MAML3: variants seen among roughly 807,000 people sequenced by gnomAD.
MAML3 encodes mastermind-like protein 3.
In MAML3, 27 loss-of-function variants were observed where a neutral mutation model predicts 101.9. The ratio of observed to expected loss-of-function variants is 0.27; its 90% CI spans 0.20 to 0.37. MAML3 has a LOEUF of 0.37. MAML3 is among the 10% of genes least tolerant of loss of function. The pLI is 1.00. For synonymous variants in MAML3, 501 were observed against 555.9 expected (o/e 0.90, Z 1.39); for missense variants, 1,316 against 1,444.9 (o/e 0.91, Z 1.45).
intron 1 of MAML3, among the ~76,000 whole-genome samples, chr4:140,107,179 G>C (rs1728366241): frequency 6.6e-6 from 1 of 152,016 alleles, no homozygotes; most frequent in Non-Finnish European, 1.5e-5. Flanking sequence ...CCAAAGAGTG[G>C]TATTTTTATA....
At chr4:139,843,110 G>A (rs73854386) in intron 2 of MAML3, among the ~76,000 whole-genome samples, 2,249 of 152,086 alleles carry the variant, frequency 0.015, 59 homozygotes, top group African/African-American at 0.051. Context: ...AGCTGCAGAC[G>A]CTTTCTCCAA....
intron 1 of MAML3, among the ~76,000 whole-genome samples, chr4:139,922,451 T>A (rs1578598402): frequency 1.4e-5 from 1 of 70,588 alleles, no homozygotes; most frequent in South Asian, 8.0e-4. Flanking sequence ...GAACGGTGGG[T>A]CCCTAACCTC....
intron 2 of MAML3, among the ~76,000 whole-genome samples, chr4:139,742,813 T>C (rs1410009469): frequency 6.6e-6 from 1 of 152,226 alleles, no homozygotes; most frequent in Non-Finnish European, 1.5e-5. Context: ...GGGAAACTTT[T>C]AGTGAGGAAT....
intron 1 of MAML3, among the ~76,000 whole-genome samples, chr4:140,080,727 C>T (rs1412743999): frequency 6.6e-6 from 1 of 152,134 alleles, no homozygotes; most frequent in Admixed American, 6.5e-5. Context: ...AATGCAGAGG[C>T]CTGCCTGGTT....
intron 1 of MAML3, among the ~76,000 whole-genome samples, chr4:140,139,328 A>C (rs1728945647): frequency 1.3e-5 from 2 of 152,198 alleles, no homozygotes; most frequent in Middle Eastern, 3.4e-3. Flanking sequence ...AGGCTGGAAT[A>C]GTCTTGAAAC....
intron 1 of MAML3, among the ~76,000 whole-genome samples, chr4:140,064,958 A>C (rs556394918): frequency 9.2e-5 from 14 of 152,340 alleles, no homozygotes; most frequent in African/African-American, 3.4e-4. Flanking sequence ...CATCTGCTGA[A>C]AATGAAGATT....
chr4:139,877,799 C>T lies in MAML3; in HGVS notation c.2079+11558G>A, dbSNP rs546095601. On this transcript the variant is annotated intron_variant, in intron 2 of 4. Transcript: ENST00000509479. ...AGATAAATAATAGCAAAGTAAATTA[C>T]GTGTTTAAATTGCTTTTAAATATAC... Among the ~76,000 whole-genome samples the T allele has an allele frequency of 1.6e-4, 24 of 152,224 alleles. No individual in the cohort carries two copies. In the East Asian group the frequency reaches 1.9e-3, roughly 12 times the overall value.
Position 140,153,377 on chromosome 4 carries a change from C to G in MAML3, c.-50G>C, listed in dbSNP as rs1266362937. ...GGAAGAACTTTTTTTATCCACCCCC[C>G]TATCAGCCTCCTCCTTGGGTCCAAG... On this transcript the variant is annotated 5_prime_UTR_variant, in exon 1 of 5. Coordinates refer to ENST00000509479, the MANE Select transcript of MAML3 (RefSeq NM_018717.5). 1 of 1,506,752 alleles carries G rather than the reference C, an allele frequency of 6.6e-7. No individual in the cohort carries two copies. Among genetic ancestry groups the G allele is most frequent in the East Asian group, 2.3e-5 (1 of 42,974 alleles). 93.3% of individuals were successfully genotyped at this position (1,506,752 alleles called of 1,614,324 possible). A position where few individuals can be genotyped will look rare whatever the true frequency, so the allele number is the denominator to read the frequency against.
intron 3 of MAML3, among the ~76,000 whole-genome samples, chr4:139,728,702 T>C (rs939478641): frequency 1.3e-5 from 2 of 152,180 alleles, no homozygotes; most frequent in Admixed American, 6.5e-5. Context: ...GCTCTCTCCA[T>C]GCTCTGGATT....
rs528267978 is a variant in MAML3 at position 139,730,574 on chromosome 4, C to A, written c.2173G>T (p.Ala725Ser). 5.6e-6 allele frequency: 9 copies of A among 1,603,462 alleles called. No individual in the cohort carries two copies. Among genetic ancestry groups the A allele is most frequent in the Non-Finnish European group, 7.7e-6 (9 of 1,175,556 alleles). The change falls in exon 3 of 5, where the codon GCA (alanine) becomes TCA (serine). Residue 725 changes from alanine to serine, a missense_variant. Physicochemically the swap from Ala to Ser is moderately conservative, Grantham distance 99 (BLOSUM62 1). Coordinates refer to ENST00000509479, the MANE Select transcript of MAML3 (RefSeq NM_018717.5). The stretch of plus-strand genomic sequence containing the variant: ...TGGCTGCCCAGGAAGCCGGGGCCTG[C>A]GGGACTGGCTCCTGAGACCATGCCA... Reference protein sequence around the residue: ...SGGMVSGASPAGPGFLGSQPQ... With the variant: ...SGGMVSGASPSGPGFLGSQPQ...
At chr4:140,129,557 C>A (rs1014889849) in intron 1 of MAML3, among the ~76,000 whole-genome samples, 1 of 152,184 alleles carries the variant, frequency 6.6e-6, no homozygotes, top group Non-Finnish European at 1.5e-5. Flanking sequence ...CAGGCTGAGT[C>A]TCAGTCTGCC....
At chr4:139,888,708 G>C in intron 2 of MAML3, 10 of 515,932 alleles carry the variant, frequency 1.9e-5, no homozygotes, top group South Asian at 1.4e-4. Flanking sequence ...ACATTTTCCT[G>C]AAATAGAGCT....
intron 2 of MAML3, chr4:139,740,153 C>G (rs1404492069): frequency 1.3e-5 from 2 of 152,208 alleles, no homozygotes; most frequent in Non-Finnish European, 2.9e-5. Context: ...TTTGGTCTAC[C>G]TGGACAAGCC....
rs575406576 is a variant in MAML3, at chr4:140,084,811, T to C, written c.468+68049A>G. ...CCTACTTTGAGGACTAACAAATGACTTGAACACATTGTGTTCAAGGTTTTG... is the reference window on the plus strand; with the variant it reads ...CCTACTTTGAGGACTAACAAATGACCTGAACACATTGTGTTCAAGGTTTTG... On this transcript the variant is annotated intron_variant, in intron 1 of 4. Coordinates refer to ENST00000509479, the MANE Select transcript of MAML3 (RefSeq NM_018717.5). 1.9e-4 allele frequency among the ~76,000 whole-genome samples: 29 copies of C among 152,314 alleles called. 1 individual carries two copies. The South Asian group carries it at 5.6e-3, about 29-fold the overall frequency.
At chr4:139,724,771 G>A (rs907960661) in intron 4 of MAML3, among the ~76,000 whole-genome samples, 1 of 134,914 alleles carries the variant, frequency 7.4e-6, no homozygotes, top group Non-Finnish European at 1.6e-5. Context: ...AGACCCTCAA[G>A]GGTCTTTTTT....
At chr4:139,762,795 C>T (rs1376474916) in intron 2 of MAML3, among the ~76,000 whole-genome samples, 1 of 152,136 alleles carries the variant, frequency 6.6e-6, no homozygotes, top group Non-Finnish European at 1.5e-5. Flanking sequence ...CTGTAGACCT[C>T]GTTGACCCTA....
chr4:139,771,498 T>C (rs1729979751), intron 2 of MAML3, among the ~76,000 whole-genome samples: 1 of 152,238 alleles, frequency 6.6e-6, no homozygotes, highest in Non-Finnish European at 1.5e-5. Context: ...TTTCTCTCAT[T>C]AGCAAATGCT....
intron 1 of MAML3, chr4:140,133,103 C>G (rs1267221700): frequency 2.2e-6 from 1 of 447,512 alleles, no homozygotes; most frequent in Admixed American, 2.4e-5. Flanking sequence ...TGTGCTGTTA[C>G]ATGCCATATA....
At chr4:140,128,732 A>G (rs1263336677) in intron 1 of MAML3, among the ~76,000 whole-genome samples, 2 of 152,238 alleles carry the variant, frequency 1.3e-5, no homozygotes, top group Non-Finnish European at 2.9e-5. Context: ...TAAAGTAGAC[A>G]GTATATCTTC....
Sources: gnomAD v4.1 joint callset for allele counts (sites outside exome capture counted in the v4.1 genomes callset) on GRCh38, gnomAD v4.1.1 for gene constraint, MANE v1.5 for transcripts, NCBI Gene and HGNC (gene_info 2026-07-23, HGNC 2026-07-21) for gene names.